NCAM2: variants seen among roughly 807,000 people sequenced by gnomAD.
NCAM2 encodes neural cell adhesion molecule 2.
A neutral mutation model predicts 98.1 loss-of-function variants in NCAM2; 30 were observed. That is an observed-to-expected ratio of 0.31 (90% CI 0.23 to 0.41). The LOEUF (loss-of-function observed/expected upper bound fraction) is 0.41. NCAM2 is among the 10% of genes least tolerant of loss of function. The pLI, the probability that NCAM2 is intolerant of heterozygous loss-of-function variation, is 1.00. For synonymous variants in NCAM2, 368 were observed against 342.4 expected (o/e 1.07, Z -0.83); for missense variants, 867 against 1,005.8 (o/e 0.86, Z 1.87).
At chr21:21,428,627 G>A (rs1211852932) in intron 11 of NCAM2, among the ~76,000 whole-genome samples, 2 of 152,184 alleles carry the variant, frequency 1.3e-5, no homozygotes, top group Non-Finnish European at 2.9e-5. Flanking sequence ...GGTAACAGAG[G>A]AAATGGGAAG....
chr21:21,508,986 G>C lies in NCAM2; in HGVS notation c.2213G>C (p.Arg738Thr), dbSNP rs1988183215. The C allele has an allele frequency of 6.2e-7, 1 of 1,613,456 alleles. No individual in the cohort carries two copies. Among genetic ancestry groups the C allele is most frequent in the African/African-American group, 1.3e-5 (1 of 74,816 alleles). The change falls in exon 16 of 18, where the codon AGA becomes ACA. Residue 738 changes from arginine (R) to threonine (T), a missense_variant. Transcript: ENST00000400546. ...QCGLLMCITRRMCGKKSGSSG... is the reference protein window; with the variant it reads ...QCGLLMCITRTMCGKKSGSSG... ...GGGTTGCTGATGTGCATCACTAGGA[G>C]AATGTGTGGAAAGAAAAGTGGCTCC...
intron 1 of NCAM2, among the ~76,000 whole-genome samples, chr21:21,141,588 A>G (rs1333654837): frequency 6.6e-6 from 1 of 152,202 alleles, no homozygotes; most frequent in Non-Finnish European, 1.5e-5. Flanking sequence ...ATAATTATTG[A>G]CAGTTAGATA....
chr21:21,438,674 A>G (rs530461260), intron 12 of NCAM2, among the ~76,000 whole-genome samples: 1 of 152,300 alleles, frequency 6.6e-6, no homozygotes, highest in African/African-American at 2.4e-5. Flanking sequence ...AAATCATATA[A>G]TATTTTGTGG....
intron 5 of NCAM2, among the ~76,000 whole-genome samples, chr21:21,300,892 T>C (rs571194550): frequency 6.6e-6 from 1 of 152,192 alleles, no homozygotes; most frequent in Non-Finnish European, 1.5e-5. Flanking sequence ...TCCAGATATC[T>C]TGCATGTATT....
In NCAM2 at chr21:21,138,433, A is replaced by T. The variant is rs926100525; in HGVS notation, c.55+139815A>T. ...TTATCTGTAAATTGAAGATGATTAC[A>T]GTAGTCGTAGTTCCCCAATCTTAAG... On this transcript the variant is annotated intron_variant, in intron 1 of 17. Transcript: ENST00000400546. 2.7e-5 allele frequency among the ~76,000 whole-genome samples: 4 copies of T among 150,804 alleles called. No homozygotes were observed. In the South Asian group the frequency reaches 8.5e-4, roughly 32 times the overall value.
At chr21:21,064,284 A>C (rs1212471008) in intron 1 of NCAM2, among the ~76,000 whole-genome samples, 1 of 152,064 alleles carries the variant, frequency 6.6e-6, no homozygotes, top group African/African-American at 2.4e-5. Context: ...ATAAAAGGAG[A>C]CTCAGTCTAG....
chr21:21,446,864 C>G (rs760782308), intron 12 of NCAM2, among the ~76,000 whole-genome samples: 1 of 152,046 alleles, frequency 6.6e-6, no homozygotes, highest in Non-Finnish European at 1.5e-5. Context: ...AGTACCTCTT[C>G]AAGGAGAACT....
At chr21:21,268,530 A>G (rs1039889922) in intron 1 of NCAM2, among the ~76,000 whole-genome samples, 1 of 152,172 alleles carries the variant, frequency 6.6e-6, no homozygotes, top group African/African-American at 2.4e-5. Context: ...ACATTCACAC[A>G]CACACATATA....
At chr21:21,065,721 A>G (rs1343483867) in intron 1 of NCAM2, among the ~76,000 whole-genome samples, 2 of 152,160 alleles carry the variant, frequency 1.3e-5, no homozygotes, top group African/African-American at 4.8e-5. Flanking sequence ...AATTATCTTC[A>G]AGGTCATAGA....
intron 1 of NCAM2, among the ~76,000 whole-genome samples, chr21:21,009,780 T>C (rs566431594): frequency 6.6e-6 from 1 of 152,052 alleles, no homozygotes; most frequent in East Asian, 1.9e-4. Context: ...AGTGAGAAAA[T>C]ACTTGTTTTA....
rs1378718528 is a variant in NCAM2, at chr21:21,539,162, A to G, written c.*1205A>G. The G allele has an allele frequency of 6.6e-6, 1 of 152,190 alleles. No homozygotes were observed. The highest frequency in any genetic ancestry group is 2.4e-5 in the African/African-American group (1 of 41,452). 9.4% of individuals were successfully genotyped at this position (152,190 alleles called of 1,614,324 possible). ...TTAAGTATTCAACACAAACTTTCTA[A>G]TATCTTTTGTTAGGGTTATACCAGA... On this transcript the variant is annotated 3_prime_UTR_variant, in exon 18 of 18. Coordinates refer to ENST00000400546, the MANE Select transcript of NCAM2 (RefSeq NM_004540.5).
intron 8 of NCAM2, among the ~76,000 whole-genome samples, chr21:21,339,517 G>A (rs2074966833): frequency 6.6e-6 from 1 of 151,988 alleles, no homozygotes. Context: ...CATAAGTGAA[G>A]ATTATAACAT....
Position 21,536,204 on chromosome 21 carries a change from A to G in NCAM2, c.2402+1548A>G, listed in dbSNP as rs558940261. ...TTTTTCATTCCCAGCAATGGATATT[A>G]CTAGTTTTTGCCTATTACTTCTTTT... On this transcript the variant is annotated intron_variant, in intron 17 of 17. Transcript: ENST00000400546. Among the ~76,000 whole-genome samples, 146 of 152,134 alleles carry G rather than the reference A, an allele frequency of 9.6e-4. 1 individual carries two copies. The highest frequency in any genetic ancestry group is 3.4e-3 in the African/African-American group (142 of 41,502).
At chr21:21,483,579 A>G (rs1166838052) in intron 15 of NCAM2, among the ~76,000 whole-genome samples, 1 of 151,874 alleles carries the variant, frequency 6.6e-6, no homozygotes. Flanking sequence ...GCAAATATGA[A>G]AATATTATTT....
intron 1 of NCAM2, among the ~76,000 whole-genome samples, chr21:21,157,447 G>A (rs2067649538): frequency 6.6e-6 from 1 of 151,978 alleles, no homozygotes; most frequent in South Asian, 2.1e-4. Flanking sequence ...AGATTATTTT[G>A]GAAGCCGATT....
intron 1 of NCAM2, among the ~76,000 whole-genome samples, chr21:21,084,179 G>C (rs1421117850): frequency 6.6e-6 from 1 of 152,110 alleles, no homozygotes; most frequent in African/African-American, 2.4e-5. Flanking sequence ...TTTCAAAAAA[G>C]AGTGCTCATC....
At chr21:21,293,996 G>T (rs1324983091) in intron 5 of NCAM2, among the ~76,000 whole-genome samples, 1 of 151,344 alleles carries the variant, frequency 6.6e-6, no homozygotes, top group African/African-American at 2.4e-5. Context: ...ATTCAAGTTT[G>T]ATATTAAAAT....
At position 21,309,589 on chromosome 21, in the gene NCAM2, G is replaced by C. The variant is rs562721943; in HGVS notation, c.620-14794G>C. ...TGGCCTCAGTTACTTTCCTCTCATG[G>C]GTGCACTCATCAGTACTCATCTGGA... On this transcript the variant is annotated intron_variant, in intron 5 of 17. Transcript: ENST00000400546. Among the ~76,000 whole-genome samples, 13 of 152,158 alleles carry C rather than the reference G, an allele frequency of 8.5e-5. No homozygotes were observed. In the East Asian group the frequency reaches 2.5e-3, roughly 29 times the overall value.
At chr21:21,004,189 G>A (rs969423924) in intron 1 of NCAM2, among the ~76,000 whole-genome samples, 10 of 152,128 alleles carry the variant, frequency 6.6e-5, no homozygotes, top group Non-Finnish European at 1.3e-4. Flanking sequence ...TCAGCTCAAA[G>A]TAAAATATAT....
Sources: allele counts gnomAD v4.1 joint callset (sites outside exome capture counted in the v4.1 genomes callset), GRCh38; gene constraint gnomAD v4.1.1; transcripts MANE v1.5; gene names NCBI Gene and HGNC (gene_info 2026-07-23, HGNC 2026-07-21).